The following MME variants were observed in gnomAD, a reference collection of about 807,000 sequenced individuals.
MME encodes membrane metalloendopeptidase.
Under a neutral mutation model 113.2 loss-of-function variants are expected in MME, and 98 were observed. That is an observed-to-expected ratio of 0.87 (90% CI 0.74 to 1.02). The LOEUF (loss-of-function observed/expected upper bound fraction) is 1.02, where lower values mean the gene tolerates loss of function less well. Ranked by LOEUF, MME falls within the 50% of genes least tolerant of loss-of-function variation. The pLI, the probability that MME is intolerant of heterozygous loss-of-function variation, is 0.00. For missense variants in MME, 836 were observed against 896.0 expected (o/e 0.93, Z 0.86); for synonymous variants, 292 against 300.6 (o/e 0.97, Z 0.30).
At chr3:155,162,086 G>T (rs374035534) in intron 17 of MME, among the ~76,000 whole-genome samples, 54 of 152,322 alleles carry the variant, frequency 3.5e-4, no homozygotes, top group Admixed American at 1.6e-3. Flanking sequence ...CCTTAGTGCT[G>T]CATTAGAGCA....
chr3:155,099,851 A>G (rs976697133), intron 3 of MME, among the ~76,000 whole-genome samples: 5 of 152,336 alleles, frequency 3.3e-5, no homozygotes, highest in Admixed American at 2.6e-4. Context: ...TAGTGCTGCA[A>G]TAAACATACA....
intron 1 of MME, 57 bp downstream of exon 1, chr3:155,080,523 T>G (rs1204890850): frequency 6.6e-6 from 1 of 152,196 alleles, no homozygotes; most frequent in African/African-American, 2.4e-5. Context: ...ACTTTTCTAT[T>G]TTTACTTTTC....
intron 1 of MME, among the ~76,000 whole-genome samples, chr3:155,040,208 T>C (rs1446081100): frequency 1.3e-5 from 2 of 152,226 alleles, no homozygotes; most frequent in African/African-American, 4.8e-5. Flanking sequence ...TGACATTTTA[T>C]GGTCAGGTAA....
At chr3:155,153,048 T>C (rs1482771496) in intron 16 of MME, among the ~76,000 whole-genome samples, 3 of 151,858 alleles carry the variant, frequency 2.0e-5, no homozygotes, top group Non-Finnish European at 2.9e-5. Flanking sequence ...CTTTTTTTTT[T>C]TTTTTTAAGA....
At chr3:155,049,505 G>GA (rs1431480467) in intron 1 of MME, among the ~76,000 whole-genome samples, 9 of 151,748 alleles carry the variant, frequency 5.9e-5, no homozygotes, top group Non-Finnish European at 7.4e-5. Context: ...CCACTTTATA[G>GA]AAAAAAAAGT....
chr3:155,142,296 G>A lies in MME; in HGVS notation c.1154G>A (p.Arg385Gln), dbSNP rs200791566. Residue 385 changes from arginine to glutamine, a missense_variant, in exon 12 of 23, where the codon CGA becomes CAA. Coordinates refer to ENST00000360490, the MANE Select transcript of MME (RefSeq NM_007289.4). ...FIMDLVSSLSRTYKESRNAFR... is the reference protein window; with the variant it reads ...FIMDLVSSLSQTYKESRNAFR... The stretch of plus-strand genomic sequence containing the variant: ...ATGGATCTTGTAAGCAGCCTCAGCC[G>A]AACCTACAAGGAGTCCAGAAATGCT... The A allele has an allele frequency of 3.5e-5, 56 of 1,613,446 alleles. No individual in the cohort carries two copies. Among genetic ancestry groups the A allele is most frequent in the African/African-American group, 2.9e-4 (22 of 74,958 alleles).
intron 3 of MME, among the ~76,000 whole-genome samples, chr3:155,094,922 A>G (rs1716607885): frequency 6.6e-6 from 1 of 152,248 alleles, no homozygotes; most frequent in African/African-American, 2.4e-5. Flanking sequence ...TCCATGGACC[A>G]ACAACAGCAG....
At chr3:155,144,328 G>T in intron 13 of MME, 31 bp from the exon 14 acceptor site, 1 of 1,367,144 alleles carries the variant, frequency 7.3e-7, no homozygotes, top group South Asian at 1.2e-5. Context: ...ATGAATTAAT[G>T]ACCTATATTT....
intron 2 of MME, 84 bp from the exon 3 acceptor site, chr3:155,084,975 G>T: frequency 1.2e-6 from 1 of 859,030 alleles, no homozygotes. Context: ...TTATTTAATT[G>T]GCAGTTTTTA....
chr3:155,059,637 A>C (rs942059889), intron 1 of MME, among the ~76,000 whole-genome samples: 1 of 152,196 alleles, frequency 6.6e-6, no homozygotes, highest in African/African-American at 2.4e-5. Context: ...TTCATTTATG[A>C]ATGATGATGC....
chr3:155,135,853 T>C (rs1420417833), intron 8 of MME, among the ~76,000 whole-genome samples: 1 of 152,168 alleles, frequency 6.6e-6, no homozygotes, highest in Non-Finnish European at 1.5e-5. Flanking sequence ...TTCATCTCCT[T>C]AGTCAGATAT....
intron 16 of MME, 78 bp from the exon 17 acceptor site, chr3:155,160,312 A>G: frequency 1.0e-6 from 1 of 969,470 alleles, no homozygotes. Context: ...TAGGAATGGT[A>G]ATAATGCTTT....
chr3:155,112,050 T>A (rs1224544797), intron 3 of MME, among the ~76,000 whole-genome samples: 7 of 152,252 alleles, frequency 4.6e-5, no homozygotes, highest in African/African-American at 1.4e-4. Flanking sequence ...TCTCTCTACC[T>A]TTTTTAGATC....
At chr3:155,138,057 T>C (rs865951755) in intron 8 of MME, 45 bp from the exon 9 acceptor site, 6 of 1,604,042 alleles carry the variant, frequency 3.7e-6, no homozygotes, top group Middle Eastern at 1.7e-4. Context: ...CCATGATGAA[T>C]ATTTAGAGCT....
intron 16 of MME, among the ~76,000 whole-genome samples, chr3:155,149,929 C>T (rs1315314920): frequency 6.6e-6 from 1 of 152,142 alleles, no homozygotes; most frequent in Non-Finnish European, 1.5e-5. Flanking sequence ...TGTTTAGTGT[C>T]CCATCTGGGA....
At chr3:155,095,012 C>T (rs1002519119) in intron 3 of MME, among the ~76,000 whole-genome samples, 3 of 152,160 alleles carry the variant, frequency 2.0e-5, no homozygotes, top group Non-Finnish European at 4.4e-5. Flanking sequence ...TTTCAGTAGC[C>T]TCTTCAGGTG....
intron 3 of MME, among the ~76,000 whole-genome samples, chr3:155,106,951 G>T (rs779120713): frequency 6.6e-6 from 1 of 152,210 alleles, no homozygotes; most frequent in African/African-American, 2.4e-5. Context: ...TACTGGTGTT[G>T]TGTGTTTGGG....
At chr3:155,072,024 G>T (rs1054929584) in intron 1 of MME, among the ~76,000 whole-genome samples, 1 of 151,980 alleles carries the variant, frequency 6.6e-6, no homozygotes, top group Non-Finnish European at 1.5e-5. Context: ...AGCCGGGCGC[G>T]GTGGCGGGCG....
Position 155,181,683 on chromosome 3 carries a change from A to G in MME, c.*1224A>G, listed in dbSNP as rs1431760740. 1 of 152,188 alleles carries G rather than the reference A, an allele frequency of 6.6e-6. No individual in the cohort carries two copies. The highest frequency in any genetic ancestry group is 1.5e-5 in the Non-Finnish European group (1 of 68,028). 9.4% of individuals were successfully genotyped at this position (152,188 alleles called of 1,614,324 possible). A position where few individuals can be genotyped will look rare whatever the true frequency, so the allele number is the denominator to read the frequency against. On this transcript the variant is annotated 3_prime_UTR_variant, in exon 23 of 23. Transcript: ENST00000360490. ...GATGGACCTTCTAGAATTATAAGTC[A>G]CAAAGAGTTCTGGAAAAGAACTGTT...
Sources: gnomAD v4.1 joint callset for allele counts (sites outside exome capture counted in the v4.1 genomes callset) on GRCh38, gnomAD v4.1.1 for gene constraint, MANE v1.5 for transcripts, NCBI Gene and HGNC (gene_info 2026-07-23, HGNC 2026-07-21) for gene names.